Variants in GRM5 observed in about 807,000 individuals in gnomAD.
GRM5 encodes glutamate metabotropic receptor 5.
A neutral mutation model predicts 83.1 loss-of-function variants in GRM5; 19 were observed. That is an observed-to-expected ratio of 0.23 (90% confidence interval 0.16 to 0.34). The LOEUF (loss-of-function observed/expected upper bound fraction) is 0.34. Ranked by LOEUF, GRM5 falls within the 10% of genes least tolerant of loss-of-function variation. The pLI is 1.00. For synonymous variants in GRM5, 675 were observed against 633.6 expected (o/e 1.07, Z -0.98); for missense variants, 1,160 against 1,588.3 (o/e 0.73, Z 4.58).
intron 3 of GRM5, among the ~76,000 whole-genome samples, chr11:88,695,357 A>T (rs1940876676): frequency 6.6e-6 from 1 of 152,218 alleles, no homozygotes; most frequent in Non-Finnish European, 1.5e-5. Context: ...CATTATTTAT[A>T]TAGTGGAGCT....
chr11:88,987,480 A>G (rs7119557), intron 2 of GRM5, among the ~76,000 whole-genome samples: 6,276 of 151,508 alleles, frequency 0.041, 370 homozygotes, highest in African/African-American at 0.14. Context: ...CAAAGCAGCC[A>G]GGAAGCTCGA....
intron 7 of GRM5, among the ~76,000 whole-genome samples, chr11:88,570,746 T>C (rs1277671626): frequency 6.6e-6 from 1 of 150,964 alleles, no homozygotes; most frequent in Non-Finnish European, 1.5e-5. Flanking sequence ...TTTTTGTATA[T>C]TTAGTAGAGA....
intron 5 of GRM5, 74 bp from the exon 6 acceptor site, chr11:88,597,426 T>C (rs181853277): frequency 1.3e-4 from 102 of 757,684 alleles, no homozygotes; most frequent in African/African-American, 1.3e-3. Context: ...ATATATTTTA[T>C]TCCCAAAAAT....
At chr11:88,976,859 C>CG (rs1555052318) in intron 2 of GRM5, among the ~76,000 whole-genome samples, 1 of 148,950 alleles carries the variant, frequency 6.7e-6, no homozygotes, top group Admixed American at 6.7e-5. Context: ...TCTATAAATA[C>CG]AAAAAAAAAA....
At chr11:88,539,324 A>G (rs1472602243) in intron 8 of GRM5, among the ~76,000 whole-genome samples, 1 of 152,162 alleles carries the variant, frequency 6.6e-6, no homozygotes, top group African/African-American at 2.4e-5. Context: ...CAAAGCCTGG[A>G]TCTACTTGTT....
intron 2 of GRM5, among the ~76,000 whole-genome samples, chr11:88,992,625 C>G (rs1940019941): frequency 6.6e-6 from 1 of 151,216 alleles, no homozygotes; most frequent in Non-Finnish European, 1.5e-5. Flanking sequence ...CCCAAATGTC[C>G]AACAGTGATA....
intron 3 of GRM5, among the ~76,000 whole-genome samples, chr11:88,701,299 G>C (rs1941029210): frequency 6.6e-6 from 1 of 152,098 alleles, no homozygotes; most frequent in Non-Finnish European, 1.5e-5. Context: ...GCCATATCTT[G>C]ACAGAAAATT....
At chr11:88,596,212 T>C (rs1295876372) in intron 6 of GRM5, among the ~76,000 whole-genome samples, 1 of 152,204 alleles carries the variant, frequency 6.6e-6, no homozygotes, top group Non-Finnish European at 1.5e-5. Flanking sequence ...GTCAGCCTGA[T>C]TGAATCTACA....
At chr11:88,755,069 C>A (rs72643316) in intron 3 of GRM5, among the ~76,000 whole-genome samples, 12,573 of 152,208 alleles carry the variant, frequency 0.083, 931 homozygotes, top group African/African-American at 0.21. Context: ...TTGAAGAACA[C>A]TCTGTAATCC....
intron 2 of GRM5, among the ~76,000 whole-genome samples, chr11:88,977,778 A>T (rs947191413): frequency 1.3e-5 from 2 of 152,220 alleles, no homozygotes; most frequent in Non-Finnish European, 2.9e-5. Context: ...GGAAAGACAG[A>T]TGCAACATGC....
intron 6 of GRM5, among the ~76,000 whole-genome samples, chr11:88,593,164 C>T (rs1937685825): frequency 6.6e-6 from 1 of 152,096 alleles, no homozygotes; most frequent in Non-Finnish European, 1.5e-5. Context: ...ATATCTGAAA[C>T]TTTACTAGAC....
intron 2 of GRM5, among the ~76,000 whole-genome samples, chr11:89,029,658 C>G (rs956054053): frequency 6.6e-6 from 1 of 152,120 alleles, no homozygotes; most frequent in African/African-American, 2.4e-5. Context: ...CTTGATTATT[C>G]CAGATGCATC....
rs143982962 is a variant in GRM5, at chr11:88,795,899, C to G, written c.911+54007G>C. On this transcript the variant is annotated intron_variant, in intron 3 of 9. Coordinates refer to ENST00000305447, the MANE Select transcript of GRM5 (RefSeq NM_001143831.3). ...GAGCCCTGGAGAGACATTTTAGAAG[C>G]TTTCTTGATAAAAAAAGAAAAACAA... is the stretch of plus-strand genomic sequence containing the variant. 3.4e-4 allele frequency among the ~76,000 whole-genome samples: 52 copies of G among 152,170 alleles called. No homozygotes were observed. In the East Asian group the frequency reaches 9.8e-3, roughly 29 times the overall value.
intron 4 of GRM5, among the ~76,000 whole-genome samples, chr11:88,648,855 A>G (rs1453487326): frequency 6.6e-6 from 1 of 151,668 alleles, no homozygotes; most frequent in East Asian, 1.9e-4. Context: ...ACATGGTAAA[A>G]TGGCTTAACA....
chr11:89,050,929 G>A (rs1362093503), intron 1 of GRM5, among the ~76,000 whole-genome samples: 2 of 152,024 alleles, frequency 1.3e-5, no homozygotes, highest in Non-Finnish European at 2.9e-5. Flanking sequence ...ACATAGTGGG[G>A]AACAACATAC....
chr11:89,029,966 A>ATT (rs1465590246), intron 2 of GRM5, among the ~76,000 whole-genome samples: 1 of 152,256 alleles, frequency 6.6e-6, no homozygotes, highest in East Asian at 1.9e-4. Context: ...CTACTGTTAT[A>ATT]TTGTTATACT....
chr11:88,797,181 G>T (rs1044822138), intron 3 of GRM5, among the ~76,000 whole-genome samples: 1 of 151,974 alleles, frequency 6.6e-6, no homozygotes, highest in Non-Finnish European at 1.5e-5. Context: ...ACAGAGTCTT[G>T]CTCTGTCACC....
intron 2 of GRM5, among the ~76,000 whole-genome samples, chr11:88,975,577 C>G (rs1237120402): frequency 6.6e-6 from 1 of 152,094 alleles, no homozygotes; most frequent in Admixed American, 6.6e-5. Context: ...ACAGTGTGGC[C>G]CATGGGCCAG....
intron 1 of GRM5, among the ~76,000 whole-genome samples, chr11:89,055,716 CATAAT>C (rs1193621122): frequency 6.6e-5 from 10 of 151,708 alleles, no homozygotes; most frequent in South Asian, 2.1e-4. Flanking sequence ...AAATCTCTCT[CATAAT>C]ATATTTTTAT....
Sources: gnomAD v4.1 joint callset for allele counts (sites outside exome capture counted in the v4.1 genomes callset) on GRCh38, gnomAD v4.1.1 for gene constraint, MANE v1.5 for transcripts, NCBI Gene and HGNC (gene_info 2026-07-23, HGNC 2026-07-21) for gene names.